The following SOS1 variants were observed in gnomAD, a reference collection of about 807,000 sequenced individuals.
SOS1 encodes SOS Ras/Rac guanine nucleotide exchange factor 1, also known as son of sevenless homolog 1.
In SOS1, 25 loss-of-function variants were observed where a neutral mutation model predicts 157.6. The ratio of observed to expected loss-of-function variants is 0.16; its 90% CI spans 0.12 to 0.22. The LOEUF (loss-of-function observed/expected upper bound fraction) is 0.22. Among genes scored for constraint, SOS1 ranks in the 10% least tolerant of loss-of-function variants. The pLI is 1.00. For synonymous variants in SOS1, 528 were observed against 534.0 expected (o/e 0.99, Z 0.16); for missense variants, 1,237 against 1,599.1 (o/e 0.77, Z 3.86).
At position 39,054,710 on chromosome 2, in the gene SOS1, A is replaced by G; in HGVS notation, c.624T>C (p.Phe208=). 1 of 1,598,616 alleles carries G rather than the reference A, an allele frequency of 6.3e-7. No individual in the cohort carries two copies. Residue 208 remains phenylalanine, a synonymous_variant, in exon 5 of 23, where the codon TTT becomes TTC. Coordinates refer to ENST00000402219, the MANE Select transcript of SOS1 (RefSeq NM_005633.4). ...TTATATATTGTCGAATTTCTGCCAT[A>G]AATGCTTTTACCAAATCATAGTAAG... ...EQTYYDLVKA[F]MAEIRQYIRE...
chr2:39,059,774 G>C (rs1289483836), intron 2 of SOS1, among the ~76,000 whole-genome samples: 1 of 152,110 alleles, frequency 6.6e-6, no homozygotes, highest in Non-Finnish European at 1.5e-5. Flanking sequence ...GAAATCTTAA[G>C]AGCAAATCTA....
chr2:39,046,873 TA>T lies in SOS1; in HGVS notation c.864+4270del, dbSNP rs567801187. ...CTTTGAGTAAAACTTTCCTTCTTGC[TA>T]AAGAACACCATCCAATGCATCTTAT... is the stretch of plus-strand genomic sequence containing the variant. On this transcript the variant is annotated intron_variant, in intron 6 of 22. Transcript: ENST00000402219. 2.8e-4 allele frequency among the ~76,000 whole-genome samples: 43 copies of T among 152,338 alleles called. No individual in the cohort carries two copies. In the East Asian group the frequency reaches 8.1e-3, roughly 29 times the overall value.
chr2:39,073,298 C>T (rs566905613), intron 1 of SOS1, among the ~76,000 whole-genome samples: 2 of 152,142 alleles, frequency 1.3e-5, no homozygotes, highest in Non-Finnish European at 2.9e-5. Flanking sequence ...TGGGTTTTCC[C>T]GGTTTTGCCA....
chr2:39,082,923 T>C (rs2148173151), intron 1 of SOS1, among the ~76,000 whole-genome samples: 1 of 152,174 alleles, frequency 6.6e-6, no homozygotes, highest in East Asian at 1.9e-4. Context: ...GAAGAGGAAA[T>C]GTTATATGTG....
At chr2:39,028,984 A>C (rs1298024858) in intron 8 of SOS1, among the ~76,000 whole-genome samples, 1 of 152,236 alleles carries the variant, frequency 6.6e-6, no homozygotes, top group Non-Finnish European at 1.5e-5. Context: ...AATATTATCC[A>C]AATTATTCCA....
intron 16 of SOS1, 41 bp downstream of exon 16, chr2:39,006,989 AG>A (rs765389383): frequency 7.6e-7 from 1 of 1,314,222 alleles, no homozygotes; most frequent in South Asian, 1.2e-5. Context: ...TTTTTCTAAT[AG>A]GGAATGAAAG....
At chr2:39,068,983 T>C (rs1016439354) in intron 1 of SOS1, among the ~76,000 whole-genome samples, 3 of 152,070 alleles carry the variant, frequency 2.0e-5, no homozygotes, top group South Asian at 2.1e-4. Flanking sequence ...GCACACAGTA[T>C]GGCCTGTCCT....
intron 17 of SOS1, among the ~76,000 whole-genome samples, chr2:38,997,910 T>G (rs758496663): frequency 6.6e-6 from 1 of 152,176 alleles, no homozygotes; most frequent in South Asian, 2.1e-4. Context: ...CAGAGGATCA[T>G]AGTTTCTGCT....
chr2:39,023,257 T>C lies in SOS1; in HGVS notation c.1203-32A>G, dbSNP rs532129605. Reference sequence around the variant, plus strand: ...TAAAGAAAAAGACATTATTAGTACATAGATGACAGAAAACCTAGAGCTCAT... The same window carrying C: ...TAAAGAAAAAGACATTATTAGTACACAGATGACAGAAAACCTAGAGCTCAT... On this transcript the variant is annotated intron_variant, in intron 9 of 22. Coordinates refer to ENST00000402219, the MANE Select transcript of SOS1 (RefSeq NM_005633.4). The C allele has an allele frequency of 1.6e-5, 25 of 1,549,374 alleles. 2 individuals carry two copies. In the Admixed American group the frequency reaches 2.9e-4, roughly 18 times the overall value.
At chr2:39,021,308 A>T (rs1312361843) in intron 10 of SOS1, among the ~76,000 whole-genome samples, 1 of 151,662 alleles carries the variant, frequency 6.6e-6, no homozygotes, top group Non-Finnish European at 1.5e-5. Flanking sequence ...TAAAAGGGAC[A>T]GTTCCCCAGA....
intron 4 of SOS1, among the ~76,000 whole-genome samples, chr2:39,055,248 A>G (rs1464698778): frequency 6.6e-6 from 1 of 152,178 alleles, no homozygotes; most frequent in Admixed American, 6.5e-5. Flanking sequence ...ATAGGTCAAA[A>G]TAAGCTATTA....
At chr2:39,095,996 A>G (rs1672753816) in intron 1 of SOS1, among the ~76,000 whole-genome samples, 1 of 152,232 alleles carries the variant, frequency 6.6e-6, no homozygotes, top group Non-Finnish European at 1.5e-5. Context: ...CTATTTGGCT[A>G]CCCAAATTCC....
chr2:39,040,717 T>C (rs1056897413), intron 6 of SOS1, among the ~76,000 whole-genome samples: 1 of 152,252 alleles, frequency 6.6e-6, no homozygotes, highest in African/African-American at 2.4e-5. Flanking sequence ...GTATTTACCA[T>C]ATACATTTAA....
chr2:39,095,894 G>T (rs758970885), intron 1 of SOS1, among the ~76,000 whole-genome samples: 1 of 152,200 alleles, frequency 6.6e-6, no homozygotes. Flanking sequence ...TCACAAGTCA[G>T]TCAACGGTGC....
At chr2:39,104,753 T>C (rs564171407) in intron 1 of SOS1, among the ~76,000 whole-genome samples, 26 of 152,344 alleles carry the variant, frequency 1.7e-4, no homozygotes, top group African/African-American at 6.3e-4. Context: ...GAAATTCTGG[T>C]ACATACTGCA....
chr2:39,057,282 A>T (rs1407251457), intron 3 of SOS1, among the ~76,000 whole-genome samples: 1 of 152,178 alleles, frequency 6.6e-6, no homozygotes, highest in Admixed American at 6.5e-5. Context: ...TACCAGGCTT[A>T]TACTTTTAAC....
rs775720230 is a variant in SOS1 at position 39,106,590 on chromosome 2, C to CAAA, written c.87+13743_87+13745dup. Among the ~76,000 whole-genome samples, 263 of 31,242 alleles carry CAAA rather than the reference C, an allele frequency of 8.4e-3. 12 individuals carry two copies. Among genetic ancestry groups the CAAA allele is most frequent in the African/African-American group, 0.022 (248 of 11,294 alleles). 20.5% of individuals were successfully genotyped at this position (31,242 alleles called of 152,430 possible). On this transcript the variant is annotated intron_variant, in intron 1 of 22. Coordinates refer to ENST00000402219, the MANE Select transcript of SOS1 (RefSeq NM_005633.4). The stretch of plus-strand genomic sequence containing the variant: ...TGGGCGACAGAGCGAGACTCCGTCT[C>CAAA]AAAAAAAAAAACAAAAAAAAAAACA...
In SOS1 at chr2:38,997,316, T is replaced by G. The variant is rs752322298; in HGVS notation, c.2901A>C (p.Ile967=). The G allele has an allele frequency of 2.5e-6, 4 of 1,613,174 alleles. No individual in the cohort carries two copies. In the African/African-American group the frequency reaches 5.3e-5, roughly 22 times the overall value. The change falls in exon 18 of 23, where the codon ATA becomes ATC. Residue 967 remains isoleucine (I), a synonymous_variant. Transcript: ENST00000402219. ...TTTGGTACTGCTGGATCTCTCCTGT[T>G]ATTTCTGCTACTTTCCTCCTTTTGC... ...NFSKRRKVAE[I]TGEIQQYQNQ... is the part of the protein sequence containing the mutation.
intron 13 of SOS1, 26 bp downstream of exon 13, chr2:39,013,434 C>T (rs1472210369): frequency 4.6e-6 from 6 of 1,301,798 alleles, no homozygotes; most frequent in Non-Finnish European, 6.7e-6. Context: ...ACATATAAAA[C>T]TAGGCACCTA....
Sources: gnomAD v4.1 joint callset for allele counts (sites outside exome capture counted in the v4.1 genomes callset) on GRCh38, gnomAD v4.1.1 for gene constraint, MANE v1.5 for transcripts, NCBI Gene and HGNC (gene_info 2026-07-23, HGNC 2026-07-21) for gene names.